TSLP: variants seen among roughly 807,000 people sequenced by gnomAD.
The protein encoded by TSLP is thymic stromal lymphopoietin.
TSLP carries 12 observed loss-of-function variants against 12.4 expected under a neutral mutation model. The ratio of observed to expected loss-of-function variants is 0.97; its 90% CI spans 0.62 to 1.57. The LOEUF is 1.57. TSLP is among the 40% of genes most tolerant of loss of function. The pLI, the probability that TSLP is intolerant of heterozygous loss-of-function variation, is 0.00. For synonymous variants in TSLP, 97 were observed against 69.5 expected, an observed-to-expected ratio of 1.40 and a Z score of -1.97; for missense variants, 222 against 189.6, an observed-to-expected ratio of 1.17 and a Z score of -1.00.
chr5:111,075,583 T>G (rs897065039), intron 3 of TSLP, among the ~76,000 whole-genome samples: 1 of 152,210 alleles, frequency 6.6e-6, no homozygotes, highest in African/African-American at 2.4e-5. Flanking sequence ...TTTCCTATGA[T>G]TAAGACACTG....
Position 111,073,217 on chromosome 5 carries a change from C to T in TSLP, c.216+285C>T, listed in dbSNP as rs546382410. On this transcript the variant is annotated intron_variant, in intron 2 of 3. Transcript: ENST00000344895. ...CACCACCTGCTGGGGTCCGGCGCCT[C>T]CGCGCTCGGGCTCGGAATTTTGGCA... The T allele has an allele frequency of 3.1e-6, 4 of 1,291,090 alleles. No individual in the cohort carries two copies. In the South Asian group the frequency reaches 6.7e-5, roughly 22 times the overall value. 80.0% of individuals were successfully genotyped at this position (1,291,090 alleles called of 1,614,324 possible). A position where few individuals can be genotyped will look rare whatever the true frequency, so the allele number is the denominator to read the frequency against.
chr5:111,076,376 C>A lies in TSLP; in HGVS notation c.*302C>A, dbSNP rs554178079. ...AAAATCCAAAAGTGCAGCAGGAGAACTCTTTTCCCTGAAAAAGGAAAAATA... is the reference window on the plus strand; with the variant it reads ...AAAATCCAAAAGTGCAGCAGGAGAAATCTTTTCCCTGAAAAAGGAAAAATA... On this transcript the variant is annotated 3_prime_UTR_variant, in exon 4 of 4. Transcript: ENST00000344895. The A allele has an allele frequency of 1.4e-5, 4 of 278,250 alleles. No homozygotes were observed. Among genetic ancestry groups the A allele is most frequent in the Non-Finnish European group, 2.7e-5 (4 of 149,534 alleles). The allele number at this position is 278,250 out of a possible 1,614,324, so 17.2% of individuals were successfully genotyped here. A position where few individuals can be genotyped will look rare whatever the true frequency, so the allele number is the denominator to read the frequency against.
At position 111,071,828 on chromosome 5, in the gene TSLP, ATC is replaced by A. The variant is rs1561690245; in HGVS notation, c.-59_-58del. The A allele has an allele frequency of 1.9e-6, 3 of 1,572,898 alleles. No homozygotes were observed. The highest frequency in any genetic ancestry group is 2.6e-6 in the Non-Finnish European group (3 of 1,153,914). ...CTGGCCCCTAAGGCAGGCCTTACAG[ATC>A]TCTTACACTCGTGGTGGGAAGAGTT... is the stretch of plus-strand genomic sequence containing the variant. On this transcript the variant is annotated 5_prime_UTR_variant, in exon 1 of 4. Coordinates refer to ENST00000344895, the MANE Select transcript of TSLP (RefSeq NM_033035.5).
chr5:111,077,476 C>A lies in TSLP; in HGVS notation c.*1402C>A, dbSNP rs1375895047. Reference sequence around the variant, plus strand: ...TAGCTGAATAGGCAGTTTCTTTTGTCCTGAGGAAAATCAGGACATGCCTGC... The same window carrying A: ...TAGCTGAATAGGCAGTTTCTTTTGTACTGAGGAAAATCAGGACATGCCTGC... On this transcript the variant is annotated 3_prime_UTR_variant, in exon 4 of 4. Coordinates refer to ENST00000344895, the MANE Select transcript of TSLP (RefSeq NM_033035.5). 1 of 152,150 alleles carries A rather than the reference C, an allele frequency of 6.6e-6. No homozygotes were observed. The highest frequency in any genetic ancestry group is 2.4e-5 in the African/African-American group (1 of 41,426). The allele number at this position is 152,150 out of a possible 1,614,324, so 9.4% of individuals were successfully genotyped here.
rs536009093 is a variant in TSLP, at chr5:111,077,718, A to G, written c.*1644A>G. 4 of 152,784 alleles carry G rather than the reference A, an allele frequency of 2.6e-5. No individual in the cohort carries two copies. Among genetic ancestry groups the G allele is most frequent in the African/African-American group, 9.6e-5 (4 of 41,596 alleles). The allele number at this position is 152,784 out of a possible 1,614,324, so 9.5% of individuals were successfully genotyped here. A position where few individuals can be genotyped will look rare whatever the true frequency, so the allele number is the denominator to read the frequency against. ...AAAGGAGACAACTCAAAGTCATCCC[A>G]TTAAGTGCAGTTTCTTTGAATCTTC... On this transcript the variant is annotated 3_prime_UTR_variant, in exon 4 of 4. Transcript: ENST00000344895.
intron 3 of TSLP, among the ~76,000 whole-genome samples, chr5:111,074,612 T>C (rs1752442646): frequency 2.0e-5 from 3 of 148,790 alleles, no homozygotes; most frequent in East Asian, 2.0e-4. Flanking sequence ...TCTAGGTAGA[T>C]GGACACGACT....
intron 3 of TSLP, among the ~76,000 whole-genome samples, chr5:111,075,227 T>A (rs1752466472): frequency 6.6e-6 from 1 of 152,212 alleles, no homozygotes; most frequent in South Asian, 2.1e-4. Flanking sequence ...CAGGTTTTTT[T>A]AAGATTTGTG....
chr5:111,074,372 G>T (rs1752432592), intron 3 of TSLP, among the ~76,000 whole-genome samples: 2 of 152,172 alleles, frequency 1.3e-5, no homozygotes, highest in African/African-American at 2.4e-5. Flanking sequence ...CATGGGTAAA[G>T]TAAGTATCAT....
intron 2 of TSLP, chr5:111,073,175 G>C: frequency 6.4e-6 from 6 of 930,772 alleles, no homozygotes; most frequent in Non-Finnish European, 7.7e-6. Flanking sequence ...ACTGGGACGA[G>C]GGAACGTTGT....
At chr5:111,071,582 T>C, upstream of TSLP, 1 of 1,510,334 alleles carries the variant, frequency 6.6e-7, no homozygotes, top group East Asian at 2.4e-5. Flanking sequence ...CTCCTTTTTT[T>C]TTTTCCTTTC....
Position 111,071,874 on chromosome 5 carries a change from G to C in TSLP, c.-17G>C, listed in dbSNP as rs1042846574. ...AAGAGTTTAGTGTGAAACTGGGGTG[G>C]AATTGGGTGTCCACGTATGTTCCCT... is the stretch of plus-strand genomic sequence containing the variant. On this transcript the variant is annotated 5_prime_UTR_variant, in exon 1 of 4. Transcript: ENST00000344895. 1.6e-5 allele frequency: 25 copies of C among 1,610,728 alleles called. No homozygotes were observed. The highest frequency in any genetic ancestry group is 2.0e-5 in the Non-Finnish European group (23 of 1,177,366).
chr5:111,071,352 T>C (rs572353820), upstream of TSLP: 2 of 1,255,324 alleles, frequency 1.6e-6, no homozygotes, highest in African/African-American at 1.5e-5. Context: ...ATGGGACATA[T>C]GCAAGGACTC....
chr5:111,071,927 T>G lies in TSLP; in HGVS notation c.37T>G (p.Ser13Ala). 1 of 1,614,220 alleles carries G rather than the reference T, an allele frequency of 6.2e-7. No individual in the cohort carries two copies. Among genetic ancestry groups the G allele is most frequent in the Non-Finnish European group, 8.5e-7 (1 of 1,180,004 alleles). The change falls in exon 1 of 4, where the codon TCT becomes GCT. Residue 13 changes from serine to alanine, a missense_variant. Coordinates refer to ENST00000344895, the MANE Select transcript of TSLP (RefSeq NM_033035.5). ...PFALLYVLSV[S>A]FRKIFILQLV... ...TGCCTTACTATATGTTCTGTCAGTT[T>G]CTTTCAGGAAAATCTTCATCTTACA...
At chr5:111,073,683 GC>G (rs1561691334) in intron 3 of TSLP, 38 bp downstream of exon 3, 2 of 1,592,704 alleles carry the variant, frequency 1.3e-6, no homozygotes, top group South Asian at 1.1e-5. Flanking sequence ...GTACCTTGGG[GC>G]TAACCTCAAA....
chr5:111,072,773 G>C (rs1752376507), intron 1 of TSLP, 115 bp from the exon 2 acceptor site: 4 of 1,022,774 alleles, frequency 3.9e-6, no homozygotes, highest in Non-Finnish European at 6.2e-6. Context: ...AAAGGTACCT[G>C]AGTGGAAACT....
chr5:111,071,274 T>C (rs1752331253), upstream of TSLP: 4 of 565,684 alleles, frequency 7.1e-6, no homozygotes, highest in Non-Finnish European at 2.9e-6. Context: ...AGTTTCTTAC[T>C]AGCCAAGGAG....
intron 3 of TSLP, among the ~76,000 whole-genome samples, chr5:111,074,661 C>T (rs554212798): frequency 6.5e-4 from 87 of 133,748 alleles, no homozygotes; most frequent in Non-Finnish European, 9.7e-4. Flanking sequence ...GACAGAATCT[C>T]GCTCTGTTAC....
chr5:111,076,175 G>C lies in TSLP; in HGVS notation c.*101G>C, dbSNP rs1752501912. 1 of 1,356,382 alleles carries C rather than the reference G, an allele frequency of 7.4e-7. No individual in the cohort carries two copies. Among genetic ancestry groups the C allele is most frequent in the Non-Finnish European group, 1.0e-6 (1 of 973,106 alleles). 84.0% of individuals were successfully genotyped at this position (1,356,382 alleles called of 1,614,324 possible). ...ACTGTGACAAAGAAGACCACAAATA[G>C]TTATCTTTTAATTACAGAAGAGTTT... On this transcript the variant is annotated 3_prime_UTR_variant, in exon 4 of 4. Coordinates refer to ENST00000344895, the MANE Select transcript of TSLP (RefSeq NM_033035.5).
At chr5:111,075,903 A>T in intron 3 of TSLP, 43 bp from the exon 4 acceptor site, 1 of 1,600,910 alleles carries the variant, frequency 6.2e-7, no homozygotes, top group Non-Finnish European at 8.5e-7. Context: ...GTTACTAAAG[A>T]TAGTGAAAAG....
Sources: allele counts gnomAD v4.1 joint callset (sites outside exome capture counted in the v4.1 genomes callset), GRCh38; gene constraint gnomAD v4.1.1; transcripts MANE v1.5; gene names NCBI Gene and HGNC (gene_info 2026-07-23, HGNC 2026-07-21).